Variants in ZNF827 observed in about 807,000 individuals in gnomAD.
The protein encoded by ZNF827 is zinc finger protein 827.
Under a neutral mutation model 102.4 loss-of-function variants are expected in ZNF827, and 13 were observed. The observed-to-expected ratio is 0.13, with a 90% CI of 0.08 to 0.20. The LOEUF (loss-of-function observed/expected upper bound fraction) is 0.20, where lower values mean the gene tolerates loss of function less well. ZNF827 is among the 10% of genes least tolerant of loss of function. The pLI is 1.00. For missense variants in ZNF827, 1,103 were observed against 1,344.4 expected, an observed-to-expected ratio of 0.82 and a Z score of 2.81; for synonymous variants, 523 against 536.2, an observed-to-expected ratio of 0.98 and a Z score of 0.34.
At chr4:145,792,818 C>T (rs117332971) in intron 8 of ZNF827, among the ~76,000 whole-genome samples, 6,126 of 152,106 alleles carry the variant, frequency 0.04, 215 homozygotes, top group Admixed American at 0.11. Context: ...AAAAGGAATT[C>T]AAATAAATTA....
At chr4:145,778,186 TGCAGTG>T (rs1737390998) in intron 9 of ZNF827, among the ~76,000 whole-genome samples, 1 of 152,156 alleles carries the variant, frequency 6.6e-6, no homozygotes, top group African/African-American at 2.4e-5. Context: ...CAGGCTGGAG[TGCAGTG>T]GCACGATCTT....
intron 2 of ZNF827, among the ~76,000 whole-genome samples, chr4:145,892,982 T>C (rs1750722718): frequency 6.6e-6 from 1 of 152,256 alleles, no homozygotes; most frequent in Non-Finnish European, 1.5e-5. Flanking sequence ...ACTTGTTTAG[T>C]TGTGGCTTGA....
At chr4:145,839,284 T>C (rs1224328152) in intron 7 of ZNF827, 2 of 152,244 alleles carry the variant, frequency 1.3e-5, no homozygotes, top group African/African-American at 4.8e-5. Context: ...ATGCCAGGCC[T>C]TGTCGAGGGC....
intron 4 of ZNF827, among the ~76,000 whole-genome samples, chr4:145,872,995 GCA>G (rs1370279905): frequency 8.3e-5 from 12 of 145,326 alleles, no homozygotes; most frequent in African/African-American, 3.0e-4. Flanking sequence ...TAGTGCAGTG[GCA>G]CAATCTCGGC....
At chr4:145,770,007 C>G (rs1362443306) in intron 11 of ZNF827, among the ~76,000 whole-genome samples, 1 of 152,120 alleles carries the variant, frequency 6.6e-6, no homozygotes, top group Non-Finnish European at 1.5e-5. Context: ...AATAAAGACT[C>G]TAGATCCAGG....
intron 5 of ZNF827, among the ~76,000 whole-genome samples, 172 bp from the exon 6 acceptor site, chr4:145,849,733 C>A (rs1746338447): frequency 6.6e-6 from 1 of 152,166 alleles, no homozygotes; most frequent in African/African-American, 2.4e-5. Context: ...TCATCTAATA[C>A]CAGAAAAGGT....
intron 8 of ZNF827, among the ~76,000 whole-genome samples, chr4:145,791,058 A>G (rs566118500): frequency 6.6e-6 from 1 of 152,350 alleles, no homozygotes; most frequent in South Asian, 2.1e-4. Context: ...GCAGGGAATC[A>G]CAGACACAGG....
At chr4:145,913,257 C>A (rs1227651310) in intron 1 of ZNF827, among the ~76,000 whole-genome samples, 1 of 151,896 alleles carries the variant, frequency 6.6e-6, no homozygotes, top group East Asian at 1.9e-4. Context: ...GAAACCGCAT[C>A]TCTACCAAAA....
At chr4:145,864,534 C>T (rs1265998781) in intron 5 of ZNF827, among the ~76,000 whole-genome samples, 2 of 151,338 alleles carry the variant, frequency 1.3e-5, no homozygotes, top group African/African-American at 4.9e-5. Context: ...TTCAAGGTTA[C>T]AGTGAGCTAT....
At position 145,849,436 on chromosome 4, in the gene ZNF827, C is replaced by T. The variant is rs1276049155; in HGVS notation, c.2107G>A (p.Glu703Lys). The T allele has an allele frequency of 6.2e-7, 1 of 1,614,072 alleles. No homozygotes were observed. The highest frequency in any genetic ancestry group is 2.2e-5 in the East Asian group (1 of 44,892). ...NVGYSTLIGR[E>K]KTEPLQKMPE... ...ATCTTCTGTAAGGGTTCGGTTTTCT[C>T]TCGCCCGATTAAAGTGCTGTAGCCA... The change falls in exon 6 of 15, where the codon GAG becomes AAG. Residue 703 changes from glutamate (E) to lysine (K), a missense_variant. Around this residue, in one of 5 missense-constraint regions of ZNF827, gnomAD observed 243 missense variants for 251.6 expected, o/e 0.97. Transcript: ENST00000508784.
chr4:145,861,483 T>C (rs1747723186), intron 5 of ZNF827, among the ~76,000 whole-genome samples: 1 of 152,182 alleles, frequency 6.6e-6, no homozygotes, highest in South Asian at 2.1e-4. Flanking sequence ...ATAAAGCGTC[T>C]TCTCAGAGTC....
At chr4:145,880,710 AGTCAC>A (rs1749587443) in intron 4 of ZNF827, among the ~76,000 whole-genome samples, 1 of 152,254 alleles carries the variant, frequency 6.6e-6, no homozygotes, top group African/African-American at 2.4e-5. Flanking sequence ...GAGGAATTTT[AGTCAC>A]GTGATTAGTG....
Position 145,763,248 on chromosome 4 carries a change from A to G in ZNF827, c.3231-126T>C. ...CAGCAGTCTGTTTCATTTTAAGGAC[A>G]TTTCTGTGACCCACAGCTCAATCTT... On this transcript the variant is annotated intron_variant, in intron 13 of 14. Coordinates refer to ENST00000508784, the MANE Select transcript of ZNF827 (RefSeq NM_001306215.2). The surrounding 1 kb of genome is among the most constrained non-coding windows in gnomAD (Gnocchi z 4.6). 2.1e-6 allele frequency: 2 copies of G among 967,230 alleles called. No homozygotes were observed. Among genetic ancestry groups the G allele is most frequent in the South Asian group, 3.3e-5 (2 of 59,950 alleles). 59.9% of individuals were successfully genotyped at this position (967,230 alleles called of 1,614,324 possible).
In ZNF827 at chr4:145,849,572, G is replaced by A. The variant is rs759530342; in HGVS notation, c.1982-11C>T. The A allele has an allele frequency of 3.5e-5, 57 of 1,612,690 alleles. No individual in the cohort carries two copies. Among genetic ancestry groups the A allele is most frequent in the Non-Finnish European group, 4.7e-5 (56 of 1,178,954 alleles). Reference sequence around the variant, plus strand: ...CCTTGTAGCTTTCCGCTGCAAGTAGGTGAATGAAGAGAAACAAAAACACCA... The same window carrying A: ...CCTTGTAGCTTTCCGCTGCAAGTAGATGAATGAAGAGAAACAAAAACACCA... On this transcript the variant is annotated splice_polypyrimidine_tract_variant and intron_variant, in intron 5 of 14. Transcript: ENST00000508784.
At chr4:145,770,299 A>AAAAAAAAT (rs1736050203) in intron 11 of ZNF827, among the ~76,000 whole-genome samples, 1 of 87,210 alleles carries the variant, frequency 1.1e-5, no homozygotes, top group Non-Finnish European at 3.2e-5. Context: ...ACCCTGTCTT[A>AAAAAAAAT]AAATAAATAA....
intron 1 of ZNF827, 22 bp from the exon 2 acceptor site, chr4:145,903,237 A>C: frequency 6.3e-7 from 1 of 1,582,144 alleles, no homozygotes; most frequent in Non-Finnish European, 8.6e-7. Context: ...TAAGAAGATC[A>C]GGTTTACTCC....
chr4:145,907,871 G>C (rs1200241411), intron 1 of ZNF827, among the ~76,000 whole-genome samples: 1 of 152,182 alleles, frequency 6.6e-6, no homozygotes, highest in East Asian at 1.9e-4. Context: ...AATAGCAATG[G>C]TGCAATTACA....
At chr4:145,884,792 C>T (rs1330350318) in intron 4 of ZNF827, among the ~76,000 whole-genome samples, 1 of 152,098 alleles carries the variant, frequency 6.6e-6, no homozygotes, top group South Asian at 2.1e-4. Context: ...AATAAGAATA[C>T]ATCTTTATAA....
intron 4 of ZNF827, among the ~76,000 whole-genome samples, chr4:145,875,498 C>G (rs1027137857): frequency 6.6e-6 from 1 of 152,104 alleles, no homozygotes; most frequent in African/African-American, 2.4e-5. Context: ...GAATTAAGCA[C>G]TGTTCATGAG....
Sources: allele counts gnomAD v4.1 joint callset (sites outside exome capture counted in the v4.1 genomes callset), GRCh38; gene constraint gnomAD v4.1.1; regional missense constraint gnomAD v4.1.1; non-coding constraint Gnocchi (gnomAD v3.1); transcripts MANE v1.5; gene names NCBI Gene and HGNC (gene_info 2026-07-23, HGNC 2026-07-21).